STARD8: variants seen among roughly 807,000 people sequenced by gnomAD.
STARD8 encodes stAR-related lipid transfer protein 8.
A neutral mutation model predicts 69.4 loss-of-function variants in STARD8; 25 were observed. That is an observed-to-expected ratio of 0.36 (90% CI 0.26 to 0.50). The LOEUF is 0.50. Among genes scored for constraint, STARD8 ranks in the 20% least tolerant of loss-of-function variants. The probability of loss-of-function intolerance (pLI) is 0.96; values close to 1 mark genes in which losing one functional copy is unlikely to be tolerated. For missense variants in STARD8, 921 were observed against 932.5 expected, an observed-to-expected ratio of 0.99 and a Z score of 0.16; for synonymous variants, 389 against 374.6, an observed-to-expected ratio of 1.04 and a Z score of -0.45.
intron 2 of STARD8, among the ~76,000 whole-genome samples, chrX:68,703,480 A>G (rs1280367380): frequency 8.9e-6 from 1 of 112,289 alleles, no homozygotes; most frequent in Non-Finnish European, 1.9e-5. Context: ...GCCCCTTGCT[A>G]TGTGCTCAGC....
At chrX:68,696,660 G>GA (rs2079922251) in intron 2 of STARD8, among the ~76,000 whole-genome samples, 1 of 111,605 alleles carries the variant, frequency 9.0e-6, no homozygotes, top group Non-Finnish European at 1.9e-5. Context: ...CAAATTCTCC[G>GA]ACTCTGGGTT....
In STARD8 at chrX:68,722,462, G is replaced by A. The variant is rs1232631369; in HGVS notation, c.2615G>A (p.Ser872Asn). 2 of 1,208,424 alleles carry A rather than the reference G, an allele frequency of 1.7e-6. No homozygotes were observed. Among genetic ancestry groups the A allele is most frequent in the South Asian group, 1.8e-5 (1 of 56,410 alleles). Residue 872 changes from serine (S) to asparagine (N), a missense_variant, in exon 12 of 15, where the codon AGC (serine) becomes AAC (asparagine). Ser to Asn is a conservative substitution (Grantham distance 46, BLOSUM62 1). Transcript: ENST00000374599. ...GTGCTGCAGCTGTGCAGCTCCTACA[G>A]CGCAGCTGAGCTCAGCCCTCCCGGC... ...DMVLQLCSSY[S>N]AAELSPPGPA...
chrX:68,676,708 A>G (rs2079767697), intron 2 of STARD8, among the ~76,000 whole-genome samples: 2 of 112,303 alleles, frequency 1.8e-5, no homozygotes, highest in African/African-American at 6.5e-5. Flanking sequence ...AATAAAATAC[A>G]TGTTCTGAGT....
At chrX:68,668,542 T>C in intron 2 of STARD8, among the ~76,000 whole-genome samples, 1 of 110,683 alleles carries the variant, frequency 9.0e-6, no homozygotes, top group East Asian at 2.9e-4. Flanking sequence ...TGACACATCA[T>C]TGCTTTTGTT....
chrX:68,677,621 G>T (rs768187030), intron 2 of STARD8, among the ~76,000 whole-genome samples: 44 of 111,551 alleles, frequency 3.9e-4, no homozygotes, highest in Middle Eastern at 4.6e-3. Flanking sequence ...TTCCTTTGAA[G>T]CCAAACCCAG....
In STARD8 at chrX:68,720,357, G is replaced by C. The variant is rs201457091; in HGVS notation, c.1983G>C (p.Thr661=). 1.3e-5 allele frequency: 16 copies of C among 1,203,389 alleles called. No homozygotes were observed. Among genetic ancestry groups the C allele is most frequent in the Non-Finnish European group, 1.8e-5 (16 of 891,623 alleles). The change falls in exon 8 of 15, where the codon ACG becomes ACC. Residue 661 remains threonine (T), a synonymous_variant. Coordinates refer to ENST00000374599, the MANE Select transcript of STARD8 (RefSeq NM_001142503.3). The part of the protein sequence containing the change: ...GVPPLIHVQR[T]GQPLPQSIQQ... ...CACCCCTCATCCACGTGCAGCGCAC[G>C]GGCCAGCCACTGCCACAGAGCATTC...
intron 2 of STARD8, among the ~76,000 whole-genome samples, chrX:68,685,979 T>G (rs957226449): frequency 8.9e-6 from 1 of 111,999 alleles, no homozygotes; most frequent in Non-Finnish European, 1.9e-5. Flanking sequence ...CCTTCCTCCA[T>G]GTCACATGGT....
intron 2 of STARD8, among the ~76,000 whole-genome samples, chrX:68,708,596 T>C (rs1421429638): frequency 9.0e-6 from 1 of 111,470 alleles, no homozygotes; most frequent in Non-Finnish European, 1.9e-5. Flanking sequence ...ACTCTGGAGC[T>C]TTCTAGTATG....
At position 68,718,253 on chromosome X, in the gene STARD8, C is replaced by T. The variant is rs761266122; in HGVS notation, c.1339C>T (p.Pro447Ser). The T allele has an allele frequency of 8.3e-7, 1 of 1,211,398 alleles. No homozygotes were observed. Among genetic ancestry groups the T allele is most frequent in the South Asian group, 1.8e-5 (1 of 56,881 alleles). ...QAEALSQMEV[P>S]AHGESPAWAQ... ...TGAGGCTCTCAGCCAGATGGAGGTT[C>T]CGGCCCATGGAGAGTCCCCAGCCTG... Residue 447 changes from proline (P) to serine (S), a missense_variant, in exon 6 of 15, where the codon CCG becomes TCG. Transcript: ENST00000374599.
At chrX:68,653,195 T>C (rs1229638365) in intron 1 of STARD8, among the ~76,000 whole-genome samples, 21 of 2,589 alleles carry the variant, frequency 8.1e-3, no homozygotes, top group Admixed American at 0.013. Context: ...CACACACACA[T>C]CACACACACA....
Position 68,711,532 on chromosome X carries a change from A to G in STARD8, c.80-1382A>G, listed in dbSNP as rs745779473. 1.1e-4 allele frequency among the ~76,000 whole-genome samples: 12 copies of G among 111,910 alleles called. No homozygotes were observed. In the South Asian group the frequency reaches 4.6e-3, roughly 43 times the overall value. ...CCTGCAGGGGCTCCAGGGGCTGCAG[A>G]GCCCTCTCTTCTTTCCCTCAAATCC... is the stretch of plus-strand genomic sequence containing the variant. On this transcript the variant is annotated intron_variant, in intron 2 of 14. Coordinates refer to ENST00000374599, the MANE Select transcript of STARD8 (RefSeq NM_001142503.3).
chrX:68,695,017 A>C (rs991114661), intron 2 of STARD8, among the ~76,000 whole-genome samples: 5 of 110,801 alleles, frequency 4.5e-5, no homozygotes, highest in African/African-American at 1.6e-4. Flanking sequence ...AATCACACCC[A>C]GGGCTATTTT....
In STARD8 at chrX:68,722,069, A is replaced by G; in HGVS notation, c.2482A>G (p.Ile828Val). Residue 828 changes from isoleucine (I) to valine (V), a missense_variant, in exon 11 of 15, where the codon ATT becomes GTT. By Grantham distance (29) the Ile-to-Val change is conservative (BLOSUM62 3). Transcript: ENST00000374599. ...SPRIKSKRSL[I>V]GRPGPRDLSD... is the part of the protein sequence containing the mutation. Reference sequence around the variant, plus strand: ...TAGGATCAAGAGCAAACGCAGCCTCATTGGCAGGCCAGGCCCTAGGGACCT... The same window carrying G: ...TAGGATCAAGAGCAAACGCAGCCTCGTTGGCAGGCCAGGCCCTAGGGACCT... The G allele has an allele frequency of 8.3e-7, 1 of 1,203,128 alleles. No individual in the cohort carries two copies. The highest frequency in any genetic ancestry group is 1.1e-6 in the Non-Finnish European group (1 of 888,934).
chrX:68,662,477 G>A (rs950754741), intron 1 of STARD8, among the ~76,000 whole-genome samples: 6 of 111,506 alleles, frequency 5.4e-5, no homozygotes, highest in South Asian at 3.8e-4. Flanking sequence ...GACCTATAAG[G>A]CCCTTCGTGA....
Position 68,647,817 on chromosome X carries a change from C to T in STARD8, c.-66C>T. The T allele has an allele frequency of 8.6e-7, 1 of 1,160,227 alleles. No homozygotes were observed. Among genetic ancestry groups the T allele is most frequent in the Non-Finnish European group, 1.2e-6 (1 of 865,609 alleles). ...GCCCCGGGCCTCTTTTAGCCTCGTCCCCAGAGAGGGAGGAGCCGGTGCCCG... is the reference window on the plus strand; with the variant it reads ...GCCCCGGGCCTCTTTTAGCCTCGTCTCCAGAGAGGGAGGAGCCGGTGCCCG... On this transcript the variant is annotated 5_prime_UTR_variant, in exon 1 of 15. Transcript: ENST00000374599.
chrX:68,652,697 C>T (rs1171611806), intron 1 of STARD8, among the ~76,000 whole-genome samples: 2 of 103,011 alleles, frequency 1.9e-5, no homozygotes, highest in Non-Finnish European at 4.0e-5. Context: ...ACACACACCA[C>T]ACACACACCA....
chrX:68,651,501 G>A (rs2079547827), intron 1 of STARD8, among the ~76,000 whole-genome samples: 1 of 112,321 alleles, frequency 8.9e-6, no homozygotes, highest in South Asian at 3.7e-4. Flanking sequence ...CTCTGAGCCA[G>A]GCCCCCTGAG....
intron 1 of STARD8, among the ~76,000 whole-genome samples, chrX:68,652,873 C>A (rs1287365970): frequency 2.0e-3 from 3 of 1,526 alleles, no homozygotes; most frequent in Admixed American, 8.4e-3. Context: ...ACACACACAC[C>A]CACACCCCAC....
chrX:68,696,038 CT>C (rs1219459960), intron 2 of STARD8, among the ~76,000 whole-genome samples: 1 of 112,412 alleles, frequency 8.9e-6, no homozygotes, highest in African/African-American at 3.2e-5. Flanking sequence ...GCCCTCACCT[CT>C]TTTCTGGCTA....
Sources: allele counts gnomAD v4.1 joint callset (sites outside exome capture counted in the v4.1 genomes callset), GRCh38; gene constraint gnomAD v4.1.1; transcripts MANE v1.5; gene names NCBI Gene and HGNC (gene_info 2026-07-23, HGNC 2026-07-21).